The following NACC2 variants were observed in gnomAD, a reference collection of about 807,000 sequenced individuals.
NACC2 encodes the protein nucleus accumbens-associated protein 2.
In NACC2, 8 loss-of-function variants were observed where a neutral mutation model predicts 25.1. That is an observed-to-expected ratio of 0.32 (90% CI 0.19 to 0.57). NACC2 has a LOEUF of 0.57. Among genes scored for constraint, NACC2 ranks in the 20% least tolerant of loss-of-function variants. NACC2 has a pLI of 0.89. For missense variants in NACC2, 644 were observed against 650.2 expected (o/e 0.99, Z 0.10); for synonymous variants, 435 against 294.7 (o/e 1.48, Z -4.88).
chr9:136,078,242 C>A (rs979907817), intron 1 of NACC2, among the ~76,000 whole-genome samples: 1 of 152,196 alleles, frequency 6.6e-6, no homozygotes, highest in African/African-American at 2.4e-5. Flanking sequence ...GACCCCCACC[C>A]CCCGCAACCT....
intron 1 of NACC2, among the ~76,000 whole-genome samples, chr9:136,093,126 G>A (rs1422567387): frequency 3.3e-5 from 5 of 152,126 alleles, no homozygotes; most frequent in Non-Finnish European, 7.4e-5. Flanking sequence ...TCAACATCCC[G>A]AAAAGGACAA....
At chr9:136,051,079 C>T (rs1289078256) in intron 1 of NACC2, among the ~76,000 whole-genome samples, 4 of 152,222 alleles carry the variant, frequency 2.6e-5, no homozygotes, top group African/African-American at 7.2e-5. Flanking sequence ...TTGCGGTTTG[C>T]TTTCCCTCTC....
intron 1 of NACC2, among the ~76,000 whole-genome samples, chr9:136,088,125 G>A (rs1473093542): frequency 6.6e-6 from 1 of 152,212 alleles, no homozygotes; most frequent in African/African-American, 2.4e-5. Context: ...TCGCCAGGTG[G>A]ACAGTGGTTC....
intron 2 of NACC2, among the ~76,000 whole-genome samples, chr9:136,040,112 G>A (rs1840605931): frequency 6.6e-6 from 1 of 152,128 alleles, no homozygotes; most frequent in Non-Finnish European, 1.5e-5. Context: ...TTGGGAGGCT[G>A]AGGCGGGTGG....
Position 136,094,214 on chromosome 9 carries a change from G to A in NACC2, c.-60+975C>T, listed in dbSNP as rs549322793. Among the ~76,000 whole-genome samples the A allele has an allele frequency of 1.2e-4, 19 of 152,326 alleles. No homozygotes were observed. In the East Asian group the frequency reaches 3.3e-3, roughly 26 times the overall value. ...GGGAGACGGGCCCACCAGCACGTGG[G>A]TGAAACACCTCCAATCCGGAGGCCC... On this transcript the variant is annotated intron_variant, in intron 1 of 5. Transcript: ENST00000277554.
chr9:136,066,744 C>T (rs771149049), intron 1 of NACC2, among the ~76,000 whole-genome samples: 19 of 152,064 alleles, frequency 1.2e-4, no homozygotes, highest in Non-Finnish European at 1.9e-4. Context: ...ATGTCTATCA[C>T]GGGCTGAATG....
At chr9:136,049,418 T>C (rs1259423401) in intron 2 of NACC2, among the ~76,000 whole-genome samples, 1 of 152,174 alleles carries the variant, frequency 6.6e-6, no homozygotes, top group Non-Finnish European at 1.5e-5. Flanking sequence ...GACAAGACCC[T>C]TCCTACAGGC....
rs1840029150 is a variant in NACC2 at position 136,007,341 on chromosome 9, GCGCGTGCACACACACAGACACA to G, written c.*4153_*4174del. ...TAAATGCTCCGGTGGTGACGTGCAC[GCGCGTGCACACACACAGACACA>G]CGCGTGCACACATACACAGACACGC... On this transcript the variant is annotated 3_prime_UTR_variant, in exon 6 of 6. Coordinates refer to ENST00000277554, the MANE Select transcript of NACC2 (RefSeq NM_144653.5). The G allele has an allele frequency of 1.3e-5, 2 of 152,924 alleles. No homozygotes were observed. Among genetic ancestry groups the G allele is most frequent in the East Asian group, 1.9e-4 (1 of 5,182 alleles). 9.5% of individuals were successfully genotyped at this position (152,924 alleles called of 1,614,324 possible). A position where few individuals can be genotyped will look rare whatever the true frequency, so the allele number is the denominator to read the frequency against.
intron 2 of NACC2, among the ~76,000 whole-genome samples, chr9:136,029,187 A>C (rs1284729119): frequency 6.6e-6 from 1 of 152,168 alleles, no homozygotes; most frequent in African/African-American, 2.4e-5. Context: ...GCCCATGGAC[A>C]AATCAGCATG....
chr9:136,011,175 G>C lies in NACC2; in HGVS notation c.*341C>G, dbSNP rs147037086. 1,644 of 184,690 alleles carry C rather than the reference G, an allele frequency of 8.9e-3. 28 individuals are homozygous for C. The highest frequency in any genetic ancestry group is 0.037 in the African/African-American group (1,565 of 42,840). The allele number at this position is 184,690 out of a possible 1,614,324, so 11.4% of individuals were successfully genotyped here. A position where few individuals can be genotyped will look rare whatever the true frequency, so the allele number is the denominator to read the frequency against. ...GTCTTCCGGGCAGGAGGAGCAGGAA[G>C]GGCAGGGAGGAAGGGGCAGGGCTGG... On this transcript the variant is annotated 3_prime_UTR_variant, in exon 6 of 6. Coordinates refer to ENST00000277554, the MANE Select transcript of NACC2 (RefSeq NM_144653.5).
chr9:136,059,193 C>T (rs1196758650), intron 1 of NACC2, among the ~76,000 whole-genome samples: 3 of 152,218 alleles, frequency 2.0e-5, no homozygotes, highest in Middle Eastern at 6.3e-3. Flanking sequence ...ACCCAGTGAG[C>T]CCAGGAGCAG....
chr9:136,052,231 C>A (rs1840856048), intron 1 of NACC2, among the ~76,000 whole-genome samples: 1 of 152,190 alleles, frequency 6.6e-6, no homozygotes, highest in South Asian at 2.1e-4. Flanking sequence ...AAATACTGTA[C>A]AGTAGTGGAG....
At chr9:136,064,107 G>A (rs1438965508) in intron 1 of NACC2, among the ~76,000 whole-genome samples, 5 of 151,834 alleles carry the variant, frequency 3.3e-5, no homozygotes, top group African/African-American at 1.2e-4. Context: ...TGGACAGCAC[G>A]GCAAGACCTC....
At chr9:136,063,383 A>G (rs1421724152) in intron 1 of NACC2, among the ~76,000 whole-genome samples, 1 of 152,186 alleles carries the variant, frequency 6.6e-6, no homozygotes, top group Non-Finnish European at 1.5e-5. Context: ...TTGTTCTTCA[A>G]TCCAGGAAAG....
Position 136,055,285 on chromosome 9 carries a change from T to TCA in NACC2, c.-59-4706_-59-4705insTG, listed in dbSNP as rs968766926. Reference sequence around the variant, plus strand: ...CCAGAACGACCCCCCTGCCTGAGTGTCGTCCCGGCAGGATTCACACAAGGA... The same window carrying TCA: ...CCAGAACGACCCCCCTGCCTGAGTGTCACGTCCCGGCAGGATTCACACAAGGA... On this transcript the variant is annotated intron_variant, in intron 1 of 5. Transcript: ENST00000277554. This position sits in a 1 kb window ranked among gnomAD's most constrained non-coding sequence, Gnocchi z 4.9. Among the ~76,000 whole-genome samples the TCA allele has an allele frequency of 6.6e-6, 1 of 152,098 alleles. No homozygotes were observed. Among genetic ancestry groups the TCA allele is most frequent in the African/African-American group, 2.4e-5 (1 of 41,428 alleles).
intron 1 of NACC2, among the ~76,000 whole-genome samples, chr9:136,056,655 G>A (rs114697501): frequency 0.013 from 1,967 of 152,334 alleles, 36 homozygotes; most frequent in African/African-American, 0.042. Context: ...ACAGAGGTAC[G>A]GGGGGTCTCT....
At chr9:136,077,868 C>G (rs1830279450) in intron 1 of NACC2, among the ~76,000 whole-genome samples, 1 of 152,218 alleles carries the variant, frequency 6.6e-6, no homozygotes, top group Non-Finnish European at 1.5e-5. Context: ...GCTTTATACG[C>G]AAAGGTGTGC....
chr9:136,021,847 T>C (rs1296155968), intron 2 of NACC2, among the ~76,000 whole-genome samples: 1 of 152,214 alleles, frequency 6.6e-6, no homozygotes. Flanking sequence ...CGTAAAATGA[T>C]TACATACTGG....
chr9:136,049,342 G>A (rs1373618778), intron 2 of NACC2, among the ~76,000 whole-genome samples: 1 of 152,200 alleles, frequency 6.6e-6, no homozygotes, highest in Non-Finnish European at 1.5e-5. Flanking sequence ...CACAGACGGG[G>A]AACGTGAACC....
Sources: allele counts gnomAD v4.1 joint callset (sites outside exome capture counted in the v4.1 genomes callset), GRCh38; gene constraint gnomAD v4.1.1; non-coding constraint Gnocchi (gnomAD v3.1); transcripts MANE v1.5; gene names NCBI Gene and HGNC (gene_info 2026-07-23, HGNC 2026-07-21).